CDH4: variants seen among roughly 807,000 people sequenced by gnomAD.
CDH4 encodes the protein cadherin-4.
CDH4 carries 33 observed loss-of-function variants against 86.0 expected under a neutral mutation model. The observed-to-expected ratio is 0.38, with a 90% CI of 0.29 to 0.51. CDH4 has a LOEUF of 0.51. Ranked by LOEUF, CDH4 falls within the 20% of genes least tolerant of loss-of-function variation. The pLI, the probability that CDH4 is intolerant of heterozygous loss-of-function variation, is 0.86. For missense variants in CDH4, 1,114 were observed against 1,307.4 expected, an observed-to-expected ratio of 0.85 and a Z score of 2.28; for synonymous variants, 555 against 549.4, an observed-to-expected ratio of 1.01 and a Z score of -0.14.
chr20:61,510,216 T>A lies in CDH4; in HGVS notation c.170-233347T>A, dbSNP rs945537859. ...ATGCCAGCATCTATGCGCTCAGCACTCCCGCTCGTGGAGCTCAGGAAAGGA... is the reference window on the plus strand; with the variant it reads ...ATGCCAGCATCTATGCGCTCAGCACACCCGCTCGTGGAGCTCAGGAAAGGA... On this transcript the variant is annotated intron_variant, in intron 2 of 15. Coordinates refer to ENST00000614565, the MANE Select transcript of CDH4 (RefSeq NM_001794.5). The surrounding 1 kb of genome is among the most constrained non-coding windows in gnomAD (Gnocchi z 4.2). 6.6e-6 allele frequency among the ~76,000 whole-genome samples: 1 copy of A among 152,216 alleles called. No individual in the cohort carries two copies. The highest frequency in any genetic ancestry group is 2.4e-5 in the African/African-American group (1 of 41,462).
At chr20:61,553,475 T>C (rs2086150221) in intron 2 of CDH4, among the ~76,000 whole-genome samples, 1 of 152,248 alleles carries the variant, frequency 6.6e-6, no homozygotes, top group Non-Finnish European at 1.5e-5. Flanking sequence ...AACCAGCCTT[T>C]GAGGTGTTTC....
intron 13 of CDH4, among the ~76,000 whole-genome samples, 181 bp from the exon 14 acceptor site, chr20:61,932,804 C>A (rs1366272678): frequency 6.6e-6 from 1 of 152,238 alleles, no homozygotes; most frequent in Non-Finnish European, 1.5e-5. Flanking sequence ...TGTCCTTGCA[C>A]ATCCAGGCCT....
At position 61,684,875 on chromosome 20, in the gene CDH4, C is replaced by G. The variant is rs2087556468; in HGVS notation, c.170-58688C>G. 6.6e-6 allele frequency among the ~76,000 whole-genome samples: 1 copy of G among 152,112 alleles called. No homozygotes were observed. The highest frequency in any genetic ancestry group is 6.5e-5 in the Admixed American group (1 of 15,278). On this transcript the variant is annotated intron_variant, in intron 2 of 15. Transcript: ENST00000614565. The surrounding 1 kb of genome is among the most constrained non-coding windows in gnomAD (Gnocchi z 4.5). ...ATTCATCTGTAAATATTTGCTCACT[C>G]TATTTCTAACCACGTTATTAAGATA...
chr20:61,342,074 G>A (rs189457320), intron 2 of CDH4, among the ~76,000 whole-genome samples: 7 of 152,294 alleles, frequency 4.6e-5, no homozygotes, highest in South Asian at 2.1e-4. Context: ...ACTGCCAGCC[G>A]TGCATGTAGG....
chr20:61,591,819 T>G (rs2086521295), intron 2 of CDH4, among the ~76,000 whole-genome samples: 2 of 152,164 alleles, frequency 1.3e-5, no homozygotes, highest in African/African-American at 4.8e-5. Context: ...TACGGCAGTT[T>G]AAAAAAATGA....
At chr20:61,272,215 G>A (rs6071562) in intron 2 of CDH4, among the ~76,000 whole-genome samples, 75,990 of 151,988 alleles carry the variant, frequency 0.5, 19,919 homozygotes, top group South Asian at 0.63. Context: ...GAGGATTCTG[G>A]AAGGATATCA....
intron 2 of CDH4, among the ~76,000 whole-genome samples, chr20:61,255,689 C>T (rs1167147034): frequency 1.3e-5 from 2 of 152,142 alleles, no homozygotes; most frequent in Admixed American, 6.5e-5. Context: ...GATAAAGTAT[C>T]GAAGCTAAAT....
At chr20:61,477,883 A>G (rs2085547830) in intron 2 of CDH4, among the ~76,000 whole-genome samples, 1 of 152,200 alleles carries the variant, frequency 6.6e-6, no homozygotes. Flanking sequence ...GAACCTTCTC[A>G]TTCTGTAGAA....
intron 2 of CDH4, among the ~76,000 whole-genome samples, chr20:61,391,298 G>A (rs765776832): frequency 7.9e-5 from 12 of 152,304 alleles, no homozygotes; most frequent in Non-Finnish European, 1.5e-4. Flanking sequence ...CCTGGAAGCC[G>A]TCGGGGCTGG....
chr20:61,659,774 G>C (rs987683120), intron 2 of CDH4, among the ~76,000 whole-genome samples: 2 of 151,912 alleles, frequency 1.3e-5, no homozygotes, highest in Non-Finnish European at 2.9e-5. Flanking sequence ...GCAGGAGGAG[G>C]GGTGGGCCTC....
chr20:61,565,369 G>C lies in CDH4; in HGVS notation c.170-178194G>C, dbSNP rs2086286719. Among the ~76,000 whole-genome samples the C allele has an allele frequency of 1.4e-4, 6 of 43,836 alleles. 1 individual carries two copies. Among genetic ancestry groups the C allele is most frequent in the African/African-American group, 1.1e-3 (5 of 4,424 alleles). 28.8% of individuals were successfully genotyped at this position (43,836 alleles called of 152,430 possible). On this transcript the variant is annotated intron_variant, in intron 2 of 15. Coordinates refer to ENST00000614565, the MANE Select transcript of CDH4 (RefSeq NM_001794.5). ...TCCTCTTGGTGATGGGGTGATGGTG[G>C]TGGTGGTCCTCTTGGTGATGGGGTG...
At chr20:61,786,955 T>C (rs1978912286) in intron 4 of CDH4, among the ~76,000 whole-genome samples, 1 of 152,224 alleles carries the variant, frequency 6.6e-6, no homozygotes, top group African/African-American at 2.4e-5. Flanking sequence ...AGTATGTATG[T>C]TGGGGCAAGC....
rs1329183633 is a variant in CDH4 at position 61,754,909 on chromosome 20, G to A, written c.396+11120G>A. 1 of 151,752 alleles carries A rather than the reference G, an allele frequency of 6.6e-6. No homozygotes were observed. Among genetic ancestry groups the A allele is most frequent in the Non-Finnish European group, 1.5e-5 (1 of 67,904 alleles). The allele number at this position is 151,752 out of a possible 1,614,324, so 9.4% of individuals were successfully genotyped here. A position where few individuals can be genotyped will look rare whatever the true frequency, so the allele number is the denominator to read the frequency against. On this transcript the variant is annotated intron_variant, in intron 3 of 15. Transcript: ENST00000614565. The surrounding 1 kb of genome is among the most constrained non-coding windows in gnomAD (Gnocchi z 4.7). ...ACCCTGCACATACCACACACAGAGTGCGTGCCTGTATTAGTCCGTTTTCAC... is the reference window on the plus strand; with the variant it reads ...ACCCTGCACATACCACACACAGAGTACGTGCCTGTATTAGTCCGTTTTCAC...
chr20:61,581,807 C>A (rs1198579184), intron 2 of CDH4, among the ~76,000 whole-genome samples: 2 of 152,180 alleles, frequency 1.3e-5, no homozygotes, highest in Non-Finnish European at 2.9e-5. Flanking sequence ...TTTTCAGCCC[C>A]ACACCATGCT....
intron 2 of CDH4, among the ~76,000 whole-genome samples, chr20:61,275,685 A>G (rs1181739684): frequency 1.5e-5 from 2 of 137,634 alleles, no homozygotes. Flanking sequence ...TACCGTGTGC[A>G]GTTTGGGGGA....
At chr20:61,504,421 T>C (rs893847295) in intron 2 of CDH4, among the ~76,000 whole-genome samples, 1 of 152,290 alleles carries the variant, frequency 6.6e-6, no homozygotes, top group East Asian at 1.9e-4. Flanking sequence ...AAACATGACC[T>C]TAGATAGAGG....
At chr20:61,859,640 A>C (rs1243950641) in intron 6 of CDH4, among the ~76,000 whole-genome samples, 1 of 152,236 alleles carries the variant, frequency 6.6e-6, no homozygotes, top group East Asian at 1.9e-4. Flanking sequence ...CCCCAGCGCC[A>C]TACATTGAAA....
chr20:61,798,754 G>A (rs1979680100), intron 4 of CDH4, among the ~76,000 whole-genome samples: 1 of 152,236 alleles, frequency 6.6e-6, no homozygotes, highest in African/African-American at 2.4e-5. Context: ...GGGCCGGCAG[G>A]AGTCCTCCGC....
chr20:61,625,628 A>G (rs2086824002), intron 2 of CDH4, among the ~76,000 whole-genome samples: 1 of 152,212 alleles, frequency 6.6e-6, no homozygotes, highest in Admixed American at 6.5e-5. Flanking sequence ...CAGGGTTTTT[A>G]AATTTTGTTT....
Sources: allele counts gnomAD v4.1 joint callset (sites outside exome capture counted in the v4.1 genomes callset), GRCh38; gene constraint gnomAD v4.1.1; non-coding constraint Gnocchi (gnomAD v3.1); transcripts MANE v1.5; gene names NCBI Gene and HGNC (gene_info 2026-07-23, HGNC 2026-07-21).